COL10A1: variants seen among roughly 807,000 people sequenced by gnomAD.
The protein encoded by COL10A1 is collagen type X alpha 1 chain, also known as collagen alpha-1(X) chain.
A neutral mutation model predicts 18.2 loss-of-function variants in COL10A1; 10 were observed. The ratio of observed to expected loss-of-function variants is 0.55; its 90% confidence interval spans 0.34 to 0.93. The LOEUF (loss-of-function observed/expected upper bound fraction) is 0.93, where lower values mean the gene tolerates loss of function less well. COL10A1 is among the 40% of genes least tolerant of loss of function. The pLI is 0.02. For missense variants in COL10A1, 897 were observed against 853.5 expected, an observed-to-expected ratio of 1.05 and a Z score of -0.64; for synonymous variants, 330 against 316.6, an observed-to-expected ratio of 1.04 and a Z score of -0.45.
chr6:116,126,193 C>G (rs9488843), upstream of COL10A1: 40,149 of 152,106 alleles, frequency 0.26, 5,754 homozygotes, highest in Middle Eastern at 0.36. Context: ...TGAGGTTACC[C>G]TGAGCTTAAG....
the COL10A1 span, among the ~76,000 whole-genome samples, chr6:116,199,812 A>G: frequency 6.6e-6 from 1 of 152,094 alleles, no homozygotes; most frequent in African/African-American, 2.4e-5. Flanking sequence ...AATAACCATC[A>G]ATGAGTCTGG....
At chr6:116,175,935 G>A in the COL10A1 span, among the ~76,000 whole-genome samples, 15 of 152,052 alleles carry the variant, frequency 9.9e-5, no homozygotes, top group Non-Finnish European at 1.6e-4. Flanking sequence ...GTCTTTTAGC[G>A]CTGGGTTGTT....
At position 116,121,654 on chromosome 6, in the gene COL10A1, C is replaced by T. The variant is rs777052338; in HGVS notation, c.462G>A (p.Val154=). Residue 154 remains valine (V), a synonymous_variant, in exon 3 of 3, where the codon GTG becomes GTA. Coordinates refer to ENST00000651968, the MANE Select transcript of COL10A1 (RefSeq NM_000493.4). The stretch of plus-strand genomic sequence containing the variant: ...GTCCCTGTTGTCCAGGTTTTCCTGG[C>T]ACAGAAATTCCAGCCGGTCCAGGGA... ...PGIPGPAGIS[V]PGKPGQQGPT... 7.0e-5 allele frequency: 113 copies of T among 1,613,786 alleles called. No individual in the cohort carries two copies. The highest frequency in any genetic ancestry group is 9.0e-5 in the Non-Finnish European group (106 of 1,179,864).
chr6:116,174,982 C>G, the COL10A1 span, among the ~76,000 whole-genome samples: 1 of 151,960 alleles, frequency 6.6e-6, no homozygotes, highest in Non-Finnish European at 1.5e-5. Context: ...TATTGAATGA[C>G]CATAATAATC....
At chr6:116,140,583 T>A (rs1779741658) in intron 1 of COL10A1, among the ~76,000 whole-genome samples, 1 of 152,144 alleles carries the variant, frequency 6.6e-6, no homozygotes, top group African/African-American at 2.4e-5. Flanking sequence ...CCCTATGCCA[T>A]CTCCCTGATG....
chr6:116,121,457 C>T lies in COL10A1; in HGVS notation c.659G>A (p.Gly220Glu). 1 of 1,614,078 alleles carries T rather than the reference C, an allele frequency of 6.2e-7. No homozygotes were observed. Among genetic ancestry groups the T allele is most frequent in the Non-Finnish European group, 8.5e-7 (1 of 1,180,000 alleles). ...TGGAACCCCATTTTCACCTCTTTTTCCCACTCCAGGAGGGCCAGATGGTCC... is the reference window on the plus strand; with the variant it reads ...TGGAACCCCATTTTCACCTCTTTTTTCCACTCCAGGAGGGCCAGATGGTCC... ...PTGPSGPPGV[G>E]KRGENGVPGQ... The change falls in exon 3 of 3, where the codon GGA (glycine) becomes GAA (glutamate). Residue 220 changes from glycine (G) to glutamate (E), a missense_variant. Gly to Glu is a moderately conservative substitution (Grantham distance 98, BLOSUM62 -2). Coordinates refer to ENST00000651968, the MANE Select transcript of COL10A1 (RefSeq NM_000493.4).
At chr6:116,168,386 C>T in the COL10A1 span, among the ~76,000 whole-genome samples, 4 of 151,974 alleles carry the variant, frequency 2.6e-5, no homozygotes, top group Non-Finnish European at 5.9e-5. Flanking sequence ...TAAACCTATC[C>T]ATTGAGCTTT....
chr6:116,186,261 T>A, the COL10A1 span, among the ~76,000 whole-genome samples: 2 of 152,054 alleles, frequency 1.3e-5, no homozygotes, highest in Admixed American at 6.6e-5. Flanking sequence ...TAGGTTTTCC[T>A]TTAAAAGTTA....
chr6:116,169,929 A>T, the COL10A1 span, among the ~76,000 whole-genome samples: 1 of 152,230 alleles, frequency 6.6e-6, no homozygotes, highest in Non-Finnish European at 1.5e-5. Context: ...TAAGGAAGAA[A>T]GGAAAACAAC....
At chr6:116,196,174 A>AT in the COL10A1 span, among the ~76,000 whole-genome samples, 1 of 152,034 alleles carries the variant, frequency 6.6e-6, no homozygotes. Flanking sequence ...CTCCTACTCC[A>AT]TAAGCATCTA....
chr6:116,144,139 G>A (rs528153558), intron 1 of COL10A1, among the ~76,000 whole-genome samples: 1 of 152,060 alleles, frequency 6.6e-6, no homozygotes, highest in Non-Finnish European at 1.5e-5. Flanking sequence ...GATATTCTGG[G>A]GATTTATGTA....
intron 1 of COL10A1, among the ~76,000 whole-genome samples, chr6:116,142,731 A>G (rs1779798127): frequency 6.6e-6 from 1 of 152,184 alleles, no homozygotes; most frequent in Admixed American, 6.5e-5. Flanking sequence ...ACCTTGAAAA[A>G]TAGAATTTGG....
At chr6:116,188,401 A>G in the COL10A1 span, among the ~76,000 whole-genome samples, 2 of 152,068 alleles carry the variant, frequency 1.3e-5, no homozygotes, top group Non-Finnish European at 2.9e-5. Flanking sequence ...AGACAGCCCA[A>G]ATATCCCTCA....
chr6:116,142,251 C>A (rs1779785856), intron 1 of COL10A1, among the ~76,000 whole-genome samples: 1 of 151,674 alleles, frequency 6.6e-6, no homozygotes, highest in South Asian at 2.1e-4. Context: ...AAAGACAAAA[C>A]ACCATAAACT....
At chr6:116,193,292 G>C in the COL10A1 span, among the ~76,000 whole-genome samples, 2 of 151,990 alleles carry the variant, frequency 1.3e-5, no homozygotes, top group Non-Finnish European at 2.9e-5. Flanking sequence ...TTCCTTATAG[G>C]AGTGCTGTGA....
At chr6:116,148,168 C>T (rs968992793) in intron 1 of COL10A1, among the ~76,000 whole-genome samples, 1 of 151,974 alleles carries the variant, frequency 6.6e-6, no homozygotes, top group Admixed American at 6.6e-5. Context: ...TAAGGATAGA[C>T]AAACTAGTAA....
rs577734691 is a variant in COL10A1 at position 116,120,785 on chromosome 6, G to A, written c.1331C>T (p.Ala444Val). 7.4e-6 allele frequency: 12 copies of A among 1,613,230 alleles called. No homozygotes were observed. Among genetic ancestry groups the A allele is most frequent in the Non-Finnish European group, 9.3e-6 (11 of 1,179,826 alleles). ...GHNGEAGPRG[A>V]PGIPGTRGPI... is the part of the protein sequence containing the mutation. ...GCCTCTAGTACCTGGTATTCCAGGG[G>A]CACCTCTTGGGCCAGCCTCTCCATT... The change falls in exon 3 of 3, where the codon GCC (alanine) becomes GTC (valine). Residue 444 changes from alanine to valine, a missense_variant. By Grantham distance (64) the Ala-to-Val change is moderately conservative. Transcript: ENST00000651968.
chr6:116,143,363 A>C (rs1222149216), intron 1 of COL10A1, among the ~76,000 whole-genome samples: 2 of 152,052 alleles, frequency 1.3e-5, no homozygotes, highest in Non-Finnish European at 2.9e-5. Context: ...GGCATGCATC[A>C]CCATACCCAG....
rs772100888 is a variant in COL10A1 at position 116,121,521 on chromosome 6, G to A, written c.595C>T (p.Pro199Ser). 29 of 1,614,014 alleles carry A rather than the reference G, an allele frequency of 1.8e-5. No homozygotes were observed. The South Asian group carries it at 3.1e-4, about 17-fold the overall frequency. Residue 199 changes from proline (P) to serine (S), a missense_variant, in exon 3 of 3, where the codon CCA becomes TCA. Coordinates refer to ENST00000651968, the MANE Select transcript of COL10A1 (RefSeq NM_000493.4). Reference protein sequence around the residue: ...GEMGYGAPGRPGERGLPGPQG... With the variant: ...GEMGYGAPGRSGERGLPGPQG... Reference sequence around the variant, plus strand: ...GGGCCTGGAAGACCCCTCTCACCTGGACGACCAGGAGCACCATATCCCATT... The same window carrying A: ...GGGCCTGGAAGACCCCTCTCACCTGAACGACCAGGAGCACCATATCCCATT...
Sources: allele counts gnomAD v4.1 joint callset (sites outside exome capture counted in the v4.1 genomes callset), GRCh38; gene constraint gnomAD v4.1.1; transcripts MANE v1.5; gene names NCBI Gene and HGNC (gene_info 2026-07-23, HGNC 2026-07-21).